Variants in SYT7 observed in about 807,000 individuals in gnomAD.
The protein encoded by SYT7 is synaptotagmin-7.
SYT7 carries 29 observed loss-of-function variants against 75.1 expected under a neutral mutation model. That is an observed-to-expected ratio of 0.39 (90% CI 0.29 to 0.53). SYT7 has a LOEUF of 0.53. Ranked by LOEUF, SYT7 falls within the 20% of genes least tolerant of loss-of-function variation. The pLI, the probability that SYT7 is intolerant of heterozygous loss-of-function variation, is 0.77. For missense variants in SYT7, 693 were observed against 953.2 expected, an observed-to-expected ratio of 0.73 and a Z score of 3.59; for synonymous variants, 376 against 401.7, an observed-to-expected ratio of 0.94 and a Z score of 0.76.
intron 7 of SYT7, among the ~76,000 whole-genome samples, chr11:61,536,428 G>C (rs1444004799): frequency 6.6e-6 from 1 of 152,150 alleles, no homozygotes; most frequent in Admixed American, 6.5e-5. Flanking sequence ...CAGCTTCTTA[G>C]TGGGCGTTCA....
intron 8 of SYT7, among the ~76,000 whole-genome samples, chr11:61,528,769 G>C (rs2062610104): frequency 6.6e-6 from 1 of 152,190 alleles, no homozygotes; most frequent in African/African-American, 2.4e-5. Flanking sequence ...AGAATCACTA[G>C]GGACAAGAAA....
intron 7 of SYT7, among the ~76,000 whole-genome samples, chr11:61,536,781 C>G (rs1457472220): frequency 1.3e-5 from 2 of 152,206 alleles, no homozygotes; most frequent in African/African-American, 4.8e-5. Context: ...AGCCAGCCAT[C>G]TTGCCTCTCA....
At position 61,573,446 on chromosome 11, in the gene SYT7, G is replaced by C. The variant is rs113157104; in HGVS notation, c.31+7344C>G. Among the ~76,000 whole-genome samples the C allele has an allele frequency of 3.5e-3, 528 of 152,290 alleles. 5 individuals are homozygous for C. Among genetic ancestry groups the C allele is most frequent in the African/African-American group, 0.012 (508 of 41,538 alleles). ...TGGACACTGCAGATCTCCTGGCAGA[G>C]GTAGGGACAGATATGTTAATGGCTG... On this transcript the variant is annotated intron_variant, in intron 1 of 12. Transcript: ENST00000539008.
rs1590909748 is a variant in SYT7 at position 61,553,241 on chromosome 11, G to A, written c.136-1778C>T. ...CCAACTGGGAAGATCCTATGCGGCT[G>A]TGCCACAGTGACCTCAGGCCCCCTT... On this transcript the variant is annotated intron_variant, in intron 2 of 12. Transcript: ENST00000539008. This position sits in a 1 kb window ranked among gnomAD's most constrained non-coding sequence, Gnocchi z 5.2. 6.6e-6 allele frequency among the ~76,000 whole-genome samples: 1 copy of A among 152,338 alleles called. No homozygotes were observed. Among genetic ancestry groups the A allele is most frequent in the South Asian group, 2.1e-4 (1 of 4,826 alleles).
intron 1 of SYT7, among the ~76,000 whole-genome samples, chr11:61,579,110 C>T (rs2064164694): frequency 6.6e-6 from 1 of 152,132 alleles, no homozygotes; most frequent in Admixed American, 6.5e-5. Context: ...AGGGCACAGC[C>T]CCAGGCCAGT....
At chr11:61,525,723 G>A (rs982401727) in intron 9 of SYT7, 1 of 152,102 alleles carries the variant, frequency 6.6e-6, no homozygotes, top group South Asian at 2.1e-4. Flanking sequence ...GCCTAACACC[G>A]CTTCTGGCAC....
chr11:61,541,433 T>C, intron 6 of SYT7: 1 of 303,150 alleles, frequency 3.3e-6, no homozygotes, highest in Non-Finnish European at 4.8e-6. Context: ...GTGGGGCCCC[T>C]CCAGGGAGAG....
chr11:61,536,335 T>G (rs1166476606), intron 7 of SYT7, among the ~76,000 whole-genome samples: 1 of 152,204 alleles, frequency 6.6e-6, no homozygotes, highest in Non-Finnish European at 1.5e-5. Context: ...TGGAGCCGGT[T>G]CATTAACACA....
intron 5 of SYT7, among the ~76,000 whole-genome samples, chr11:61,544,861 C>T (rs955085203): frequency 8.5e-5 from 13 of 152,136 alleles, no homozygotes; most frequent in African/African-American, 2.9e-4. Context: ...TGCACTCAAG[C>T]CAACTAGCGA....
chr11:61,568,471 T>G (rs962618425), intron 1 of SYT7, among the ~76,000 whole-genome samples: 19 of 152,170 alleles, frequency 1.2e-4, no homozygotes, highest in Non-Finnish European at 2.6e-4. Context: ...AAACATGATC[T>G]CATTTAGCCT....
chr11:61,574,611 T>C (rs1340375105), intron 1 of SYT7, among the ~76,000 whole-genome samples: 2 of 151,760 alleles, frequency 1.3e-5, no homozygotes, highest in Non-Finnish European at 2.9e-5. Context: ...CTGCCATCCC[T>C]GACCCCCATC....
At chr11:61,556,237 C>T (rs1057360803) in intron 1 of SYT7, 30 bp from the exon 2 acceptor site, 1 of 1,585,232 alleles carries the variant, frequency 6.3e-7, no homozygotes. Context: ...GTCACACCCT[C>T]ATTGGCCAGG....
At chr11:61,520,898 C>G (rs1401024455) in intron 12 of SYT7, among the ~76,000 whole-genome samples, 1 of 152,220 alleles carries the variant, frequency 6.6e-6, no homozygotes, top group East Asian at 1.9e-4. Context: ...GGTGGAACTT[C>G]TTTTAGCCCC....
intron 9 of SYT7, 69 bp downstream of exon 9, chr11:61,527,846 T>G: frequency 6.4e-7 from 1 of 1,569,784 alleles, no homozygotes; most frequent in South Asian, 1.2e-5. Flanking sequence ...TGGCCACAAG[T>G]GTGGTTGGGT....
At chr11:61,547,145 T>C in intron 4 of SYT7, 32 bp downstream of exon 4, 2 of 1,533,798 alleles carry the variant, frequency 1.3e-6, no homozygotes, top group African/African-American at 1.4e-5. Flanking sequence ...GGATACTCGG[T>C]ACATATGATC....
chr11:61,587,833 C>T, the SYT7 span, among the ~76,000 whole-genome samples: 2 of 152,176 alleles, frequency 1.3e-5, no homozygotes, highest in African/African-American at 4.8e-5. Flanking sequence ...GGAGGGGGTG[C>T]CGCGGAGCCC....
In SYT7 at chr11:61,523,366, G is replaced by A. The variant is rs1367206819; in HGVS notation, c.1757-92C>T. The A allele has an allele frequency of 7.0e-6, 9 of 1,294,158 alleles. No individual in the cohort carries two copies. The highest frequency in any genetic ancestry group is 5.2e-5 in the Admixed American group (3 of 57,728). 80.2% of individuals were successfully genotyped at this position (1,294,158 alleles called of 1,614,324 possible). A position where few individuals can be genotyped will look rare whatever the true frequency, so the allele number is the denominator to read the frequency against. Reference sequence around the variant, plus strand: ...CTTCCAGGAATGGAAGCTGAGGCAGGAGGGCCGTGTGCTTTCCCCAGAGGC... The same window carrying A: ...CTTCCAGGAATGGAAGCTGAGGCAGAAGGGCCGTGTGCTTTCCCCAGAGGC... On this transcript the variant is annotated intron_variant, in intron 11 of 12. Transcript: ENST00000539008. This position sits in a 1 kb window ranked among gnomAD's most constrained non-coding sequence, Gnocchi z 5.0.
chr11:61,522,330 C>T (rs925087479), intron 12 of SYT7, among the ~76,000 whole-genome samples: 5 of 151,930 alleles, frequency 3.3e-5, no homozygotes, highest in African/African-American at 1.2e-4. Flanking sequence ...GCTGGGATTA[C>T]AGGCACCCGC....
chr11:61,548,057 G>T (rs768754591), intron 3 of SYT7, among the ~76,000 whole-genome samples: 1 of 152,212 alleles, frequency 6.6e-6, no homozygotes, highest in African/African-American at 2.4e-5. Flanking sequence ...CTAAGACTGG[G>T]GGATCTCAGC....
Sources: gnomAD v4.1 joint callset for allele counts (sites outside exome capture counted in the v4.1 genomes callset) on GRCh38, gnomAD v4.1.1 for gene constraint, Gnocchi (gnomAD v3.1) non-coding constraint, MANE v1.5 for transcripts, NCBI Gene and HGNC (gene_info 2026-07-23, HGNC 2026-07-21) for gene names.